KIRREL3: variants seen among roughly 807,000 people sequenced by gnomAD.
KIRREL3 encodes kin of IRRE-like protein 3.
A neutral mutation model predicts 89.7 loss-of-function variants in KIRREL3; 36 were observed. The observed-to-expected ratio is 0.40, with a 90% CI of 0.31 to 0.53. The LOEUF is 0.53. Ranked by LOEUF, KIRREL3 falls within the 20% of genes least tolerant of loss-of-function variation. The pLI is 0.49. For missense variants in KIRREL3, 864 were observed against 1,056.6 expected (o/e 0.82, Z 2.53); for synonymous variants, 445 against 441.4 (o/e 1.01, Z -0.10).
rs72402043 is a variant in KIRREL3 at position 126,768,169 on chromosome 11, CA to C, written c.56-205258del. Among the ~76,000 whole-genome samples, 3,910 of 42,232 alleles carry C rather than the reference CA, an allele frequency of 0.093. 163 individuals carry two copies. The highest frequency in any genetic ancestry group is 0.19 in the African/African-American group (3,444 of 17,960). 27.7% of individuals were successfully genotyped at this position (42,232 alleles called of 152,430 possible). The stretch of plus-strand genomic sequence containing the variant: ...CCATCCATCCATCCATCCATCCATC[CA>C]ATCCATCCATCCATCCATCCATCCA... On this transcript the variant is annotated intron_variant, in intron 1 of 16. Transcript: ENST00000525144. The surrounding 1 kb of genome is among the most constrained non-coding windows in gnomAD (Gnocchi z 4.5).
chr11:126,936,496 A>C (rs1194358079), intron 1 of KIRREL3: 1 of 151,992 alleles, frequency 6.6e-6, no homozygotes, highest in Admixed American at 6.6e-5. Flanking sequence ...CTAAATGTCC[A>C]TCGACTGGTA....
intron 1 of KIRREL3, among the ~76,000 whole-genome samples, chr11:126,933,272 C>T (rs1435874160): frequency 1.7e-5 from 2 of 120,162 alleles, no homozygotes; most frequent in Non-Finnish European, 3.8e-5. Context: ...ATGTCTTTCT[C>T]ATGGCAGTTT....
Position 126,892,222 on chromosome 11 carries a change from G to T in KIRREL3, c.55+108233C>A, listed in dbSNP as rs1945951680. On this transcript the variant is annotated intron_variant, in intron 1 of 16. Coordinates refer to ENST00000525144, the MANE Select transcript of KIRREL3 (RefSeq NM_032531.4). This position sits in a 1 kb window ranked among gnomAD's most constrained non-coding sequence, Gnocchi z 5.4. ...ATATTTAAAATAGCTAAGAGGGGCT[G>T]CCATGCCTGAGGGTGGTCCCTGCCT... Among the ~76,000 whole-genome samples the T allele has an allele frequency of 6.6e-6, 1 of 152,164 alleles. No homozygotes were observed. Among genetic ancestry groups the T allele is most frequent in the Admixed American group, 6.5e-5 (1 of 15,286 alleles).
At chr11:126,511,195 A>T (rs187047270) in intron 4 of KIRREL3, among the ~76,000 whole-genome samples, 14 of 152,148 alleles carry the variant, frequency 9.2e-5, no homozygotes, top group East Asian at 7.8e-4. Flanking sequence ...GCAGTGGCTC[A>T]CGCCTGTAGT....
Position 126,782,198 on chromosome 11 carries a change from G to A in KIRREL3, c.55+218257C>T, listed in dbSNP as rs76171943. ...GATCTTTCAGCCCCTCTTCCCTCCC[G>A]TCCCTACTCTAGAGGCCACGAGTTC... On this transcript the variant is annotated intron_variant, in intron 1 of 16. Coordinates refer to ENST00000525144, the MANE Select transcript of KIRREL3 (RefSeq NM_032531.4). This position sits in a 1 kb window ranked among gnomAD's most constrained non-coding sequence, Gnocchi z 4.1. Among the ~76,000 whole-genome samples, 2,714 of 152,146 alleles carry A rather than the reference G, an allele frequency of 0.018. 84 individuals carry two copies. The highest frequency in any genetic ancestry group is 0.062 in the African/African-American group (2,591 of 41,482).
At chr11:126,745,158 C>T (rs189640467) in intron 1 of KIRREL3, among the ~76,000 whole-genome samples, 3 of 152,254 alleles carry the variant, frequency 2.0e-5, no homozygotes, top group South Asian at 2.1e-4. Context: ...CCCGGCCACA[C>T]ATACTGGTTT....
chr11:126,801,422 A>G (rs981537439), intron 1 of KIRREL3, among the ~76,000 whole-genome samples: 15 of 152,196 alleles, frequency 9.9e-5, no homozygotes, highest in African/African-American at 3.6e-4. Context: ...CTGAATACAA[A>G]TCTCAAGACA....
rs117339652 is a variant in KIRREL3, at chr11:126,594,813, C to T, written c.56-31901G>A. On this transcript the variant is annotated intron_variant, in intron 1 of 16. Transcript: ENST00000525144. This position sits in a 1 kb window ranked among gnomAD's most constrained non-coding sequence, Gnocchi z 5.0. ...CTCATATAAAATTCTGAAGCCTCAG[C>T]GATGGAACCTGCATTTGGGAGCTGC... Among the ~76,000 whole-genome samples, 1,515 of 152,346 alleles carry T rather than the reference C, an allele frequency of 9.9e-3. 9 individuals are homozygous for T. The highest frequency in any genetic ancestry group is 0.014 in the Middle Eastern group (4 of 294).
chr11:126,914,916 A>G (rs1040661854), intron 1 of KIRREL3, among the ~76,000 whole-genome samples: 1 of 152,248 alleles, frequency 6.6e-6, no homozygotes, highest in Non-Finnish European at 1.5e-5. Context: ...AATGTTGTAT[A>G]TTCACAGCAC....
At chr11:126,770,770 C>A (rs1388070189) in intron 1 of KIRREL3, among the ~76,000 whole-genome samples, 12 of 152,142 alleles carry the variant, frequency 7.9e-5, no homozygotes, top group Non-Finnish European at 7.4e-5. Context: ...AGCCCCAGAG[C>A]AGGGAAGGGA....
rs1938680684 is a variant in KIRREL3 at position 126,544,939 on chromosome 11, A to T, written c.133+17896T>A. ...AGAAGACACAATAATGAAAAACTCA[A>T]CGTGCAACATTGCCTTACGCAATCT... On this transcript the variant is annotated intron_variant, in intron 2 of 16. Transcript: ENST00000525144. This position sits in a 1 kb window ranked among gnomAD's most constrained non-coding sequence, Gnocchi z 5.6. 6.6e-6 allele frequency among the ~76,000 whole-genome samples: 1 copy of T among 152,122 alleles called. No individual in the cohort carries two copies. Among genetic ancestry groups the T allele is most frequent in the Admixed American group, 6.5e-5 (1 of 15,278 alleles).
At chr11:126,503,368 CATCTGCTCTCTCCCCTAG>C (rs1415008199) in intron 4 of KIRREL3, among the ~76,000 whole-genome samples, 12 of 152,120 alleles carry the variant, frequency 7.9e-5, no homozygotes, top group Non-Finnish European at 1.3e-4. Context: ...CATCTCTAAA[CATCTGCTCTCTCCCCTAG>C]ATGCCCCTAG....
In KIRREL3 at chr11:126,949,269, T is replaced by C. The variant is rs1010607205; in HGVS notation, c.55+51186A>G. Among the ~76,000 whole-genome samples the C allele has an allele frequency of 1.5e-4, 23 of 152,326 alleles. 1 individual carries two copies. The highest frequency in any genetic ancestry group is 4.6e-4 in the African/African-American group (19 of 41,574). Reference sequence around the variant, plus strand: ...TCATTGTGGTTGGGTGATCTCACCATGTGGTTACCATGGCCTAGGAATCTT... The same window carrying C: ...TCATTGTGGTTGGGTGATCTCACCACGTGGTTACCATGGCCTAGGAATCTT... On this transcript the variant is annotated intron_variant, in intron 1 of 16. Transcript: ENST00000525144.
In KIRREL3 at chr11:126,736,113, A is replaced by G. The variant is rs1037672370; in HGVS notation, c.56-173201T>C. Among the ~76,000 whole-genome samples, 6 of 152,164 alleles carry G rather than the reference A, an allele frequency of 3.9e-5. No homozygotes were observed. Among genetic ancestry groups the G allele is most frequent in the African/African-American group, 1.4e-4 (6 of 41,446 alleles). On this transcript the variant is annotated intron_variant, in intron 1 of 16. Coordinates refer to ENST00000525144, the MANE Select transcript of KIRREL3 (RefSeq NM_032531.4). The surrounding 1 kb of genome is among the most constrained non-coding windows in gnomAD (Gnocchi z 5.0). ...TATTAGTTTCTTTCTTTCCATAGCTACTGCTGCTGGCTACCTTGCATTTCT... is the reference window on the plus strand; with the variant it reads ...TATTAGTTTCTTTCTTTCCATAGCTGCTGCTGCTGGCTACCTTGCATTTCT...
At position 126,432,538 on chromosome 11, in the gene KIRREL3, G is replaced by C. The variant is rs1955174633; in HGVS notation, c.1589-1012C>G. 6.6e-6 allele frequency among the ~76,000 whole-genome samples: 1 copy of C among 152,110 alleles called. No individual in the cohort carries two copies. The highest frequency in any genetic ancestry group is 6.5e-5 in the Admixed American group (1 of 15,278). ...AGGACACACAGGAGCTGCCCAGCCA[G>C]GGTCAATCCAGGTCTCCTCTCACTG... On this transcript the variant is annotated intron_variant, in intron 13 of 16. Coordinates refer to ENST00000525144, the MANE Select transcript of KIRREL3 (RefSeq NM_032531.4). This position sits in a 1 kb window ranked among gnomAD's most constrained non-coding sequence, Gnocchi z 6.2.
intron 2 of KIRREL3, among the ~76,000 whole-genome samples, chr11:126,529,446 C>A (rs1461009321): frequency 2.0e-5 from 3 of 152,006 alleles, no homozygotes. Flanking sequence ...AGGAAAGGAG[C>A]CTGATGGGAT....
intron 1 of KIRREL3, among the ~76,000 whole-genome samples, chr11:126,875,930 G>T (rs1352177773): frequency 6.6e-6 from 1 of 152,172 alleles, no homozygotes; most frequent in Non-Finnish European, 1.5e-5. Context: ...GAGAGAACTT[G>T]TTCCTATATC....
In KIRREL3 at chr11:126,682,789, G is replaced by A. The variant is rs1946517204; in HGVS notation, c.56-119877C>T. On this transcript the variant is annotated intron_variant, in intron 1 of 16. Transcript: ENST00000525144. The surrounding 1 kb of genome is among the most constrained non-coding windows in gnomAD (Gnocchi z 4.8). ...ATCTGACAGGAGGCAGAGTTCGGGC[G>A]GCAATGTTCACTCACCTGCCGCTCA... Among the ~76,000 whole-genome samples, 1 of 152,138 alleles carries A rather than the reference G, an allele frequency of 6.6e-6. No homozygotes were observed. Among genetic ancestry groups the A allele is most frequent in the Non-Finnish European group, 1.5e-5 (1 of 68,010 alleles).
chr11:126,539,716 G>A (rs1428043803), intron 2 of KIRREL3, among the ~76,000 whole-genome samples: 1 of 152,136 alleles, frequency 6.6e-6, no homozygotes. Context: ...ATGGAGAGGG[G>A]TCCAGAATCC....
Sources: gnomAD v4.1 joint callset for allele counts (sites outside exome capture counted in the v4.1 genomes callset) on GRCh38, gnomAD v4.1.1 for gene constraint, Gnocchi (gnomAD v3.1) non-coding constraint, MANE v1.5 for transcripts, NCBI Gene and HGNC (gene_info 2026-07-23, HGNC 2026-07-21) for gene names.